Variants in SKIC3 observed in about 807,000 individuals in gnomAD.
SKIC3 encodes the protein superkiller complex protein 3.
the SKIC3 span, chr5:95,547,129 T>G: frequency 6.2e-7 from 1 of 1,613,186 alleles, no homozygotes; most frequent in Non-Finnish European, 8.5e-7. Context: ...TTTAGAGCAG[T>G]CTTCACTTCC....
the SKIC3 span, among the ~76,000 whole-genome samples, chr5:95,504,497 C>A: frequency 1.3e-5 from 2 of 151,750 alleles, no homozygotes; most frequent in African/African-American, 4.9e-5. Flanking sequence ...ATATGGATCT[C>A]TAATTTTTTT....
chr5:95,552,062 C>A, the SKIC3 span, among the ~76,000 whole-genome samples: 1 of 152,194 alleles, frequency 6.6e-6, no homozygotes, highest in Admixed American at 6.5e-5. Context: ...ATACAAACGG[C>A]CCCTGACTTA....
At chr5:95,531,964 T>C in the SKIC3 span, among the ~76,000 whole-genome samples, 1 of 152,078 alleles carries the variant, frequency 6.6e-6, no homozygotes, top group Non-Finnish European at 1.5e-5. Context: ...AGTCTGTTAA[T>C]AGGTAACAGC....
chr5:95,554,937 T>A, the SKIC3 span: 1 of 237,238 alleles, frequency 4.2e-6, no homozygotes, highest in Non-Finnish European at 8.6e-6. Flanking sequence ...CAAACCCACC[T>A]GGAGCAGATG....
chr5:95,540,222 G>A, the SKIC3 span, among the ~76,000 whole-genome samples: 1 of 152,150 alleles, frequency 6.6e-6, no homozygotes, highest in East Asian at 1.9e-4. Flanking sequence ...TCACTCATAC[G>A]TGAACATATG....
chr5:95,539,913 C>T, the SKIC3 span, among the ~76,000 whole-genome samples: 1 of 151,500 alleles, frequency 6.6e-6, no homozygotes, highest in African/African-American at 2.4e-5. Flanking sequence ...AGGTATCTAC[C>T]CAGAGGAAAA....
chr5:95,478,444 T>C, the SKIC3 span: 3 of 1,613,800 alleles, frequency 1.9e-6, no homozygotes, highest in Admixed American at 1.7e-5. Flanking sequence ...TGCCAGCCAC[T>C]AAGAAACAAA....
the SKIC3 span, chr5:95,530,318 A>C: frequency 3.4e-6 from 5 of 1,472,578 alleles, no homozygotes; most frequent in Non-Finnish European, 4.7e-6. Context: ...ATCTGCCTTT[A>C]TATTCTTATG....
chr5:95,523,544 A>C, the SKIC3 span: 1 of 1,326,516 alleles, frequency 7.5e-7, no homozygotes, highest in South Asian at 1.4e-5. Flanking sequence ...TTTATATTGC[A>C]CCTATAGAAA....
chr5:95,518,381 T>C, the SKIC3 span, among the ~76,000 whole-genome samples: 1 of 152,208 alleles, frequency 6.6e-6, no homozygotes, highest in Middle Eastern at 3.4e-3. Flanking sequence ...CATCCTACAA[T>C]GCTACAGAAC....
At chr5:95,553,322 A>T in the SKIC3 span, among the ~76,000 whole-genome samples, 1 of 152,262 alleles carries the variant, frequency 6.6e-6, no homozygotes, top group Non-Finnish European at 1.5e-5. Flanking sequence ...GAGTAAGCAC[A>T]GTTTATGGAA....
chr5:95,494,116 G>C, the SKIC3 span, among the ~76,000 whole-genome samples: 1 of 152,032 alleles, frequency 6.6e-6, no homozygotes, highest in South Asian at 2.1e-4. Context: ...AAACCATATT[G>C]ATGCAAAATG....
chr5:95,500,060 A>G, the SKIC3 span, among the ~76,000 whole-genome samples: 2 of 152,152 alleles, frequency 1.3e-5, no homozygotes, highest in Non-Finnish European at 2.9e-5. Flanking sequence ...TTATGGGCAA[A>G]TAATGAACAG....
At chr5:95,548,649 C>T in the SKIC3 span, 5 of 151,690 alleles carry the variant, frequency 3.3e-5, no homozygotes, top group Non-Finnish European at 5.9e-5. Context: ...GAGTAGGTAA[C>T]AAATTTCAAT....
the SKIC3 span, among the ~76,000 whole-genome samples, chr5:95,467,655 A>G: frequency 6.6e-6 from 1 of 152,184 alleles, no homozygotes; most frequent in Non-Finnish European, 1.5e-5. Flanking sequence ...TAACCTTTAA[A>G]CCATATGCAT....
the SKIC3 span, among the ~76,000 whole-genome samples, chr5:95,483,909 T>A: frequency 6.6e-6 from 1 of 152,188 alleles, no homozygotes; most frequent in African/African-American, 2.4e-5. Flanking sequence ...ATCTCCACAG[T>A]CATTCTATGT....
the SKIC3 span, chr5:95,527,972 G>C: frequency 3.2e-4 from 508 of 1,611,574 alleles, no homozygotes; most frequent in Non-Finnish European, 4.2e-4. Flanking sequence ...TGGTTGATTG[G>C]AAACTAACTA....
chr5:95,492,494 G>T, the SKIC3 span, among the ~76,000 whole-genome samples: 4 of 146,970 alleles, frequency 2.7e-5, no homozygotes, highest in African/African-American at 7.4e-5. Flanking sequence ...AAAATTAGCC[G>T]GGCGTAGTGG....
At chr5:95,497,165 A>T in the SKIC3 span, among the ~76,000 whole-genome samples, 1 of 152,212 alleles carries the variant, frequency 6.6e-6, no homozygotes, top group Non-Finnish European at 1.5e-5. Flanking sequence ...AGAGATCTTC[A>T]TACTTCTTTG....
Sources: gnomAD v4.1 joint callset for allele counts (sites outside exome capture counted in the v4.1 genomes callset) on GRCh38, gnomAD v4.1.1 for gene constraint, MANE v1.5 for transcripts, NCBI Gene and HGNC (gene_info 2026-07-23, HGNC 2026-07-21) for gene names.